The following LY75 variants were observed in gnomAD, a reference collection of about 807,000 sequenced individuals.
The protein encoded by LY75 is C-type lectin domain family 13 member B.
LY75 carries 185 observed loss-of-function variants against 231.7 expected under a neutral mutation model. The ratio of observed to expected loss-of-function variants is 0.80; its 90% CI spans 0.71 to 0.90. The LOEUF (loss-of-function observed/expected upper bound fraction) is 0.90. LY75 is among the 40% of genes least tolerant of loss of function. The pLI, the probability that LY75 is intolerant of heterozygous loss-of-function variation, is 0.00. For missense variants in LY75, 1,947 were observed against 2,050.2 expected (o/e 0.95, Z 0.97); for synonymous variants, 668 against 689.0 (o/e 0.97, Z 0.48).
rs1262589625 is a variant in LY75 at position 159,860,891 on chromosome 2, T to TG, written c.2200-3dup. The TG allele has an allele frequency of 6.2e-7, 1 of 1,613,836 alleles. No individual in the cohort carries two copies. Among genetic ancestry groups the TG allele is most frequent in the Admixed American group, 1.7e-5 (1 of 60,014 alleles). ...ATTTGGCATGATAATAGTAGACACC[T>TG]GAAAAGACAAGAGAGGCTTGAGAAT... is the stretch of plus-strand genomic sequence containing the variant. On this transcript the variant is annotated splice_region_variant and splice_polypyrimidine_tract_variant and intron_variant, in intron 14 of 34. Coordinates refer to ENST00000263636, the MANE Select transcript of LY75 (RefSeq NM_002349.4).
rs762083609 is a variant in LY75 at position 159,808,545 on chromosome 2, T to C, written c.4726A>G (p.Lys1576Glu). Residue 1576 changes from lysine (K) to glutamate (E), a missense_variant, in exon 33 of 35, where the codon AAA (lysine) becomes GAA (glutamate). Transcript: ENST00000263636. Reference protein sequence around the residue: ...HDHSATIVSIKDEDENKFVSR... With the variant: ...HDHSATIVSIEDEDENKFVSR... ...ACAAATTTATTCTCATCTTCATCTT[T>C]TATGGAAACGATAGTTGCAGAGTGA... 1.2e-6 allele frequency: 2 copies of C among 1,613,722 alleles called. No individual in the cohort carries two copies. The highest frequency in any genetic ancestry group is 1.1e-5 in the South Asian group (1 of 91,082).
rs916451354 is a variant in LY75, at chr2:159,850,085, G to T, written c.3045C>A (p.Arg1015=). ...TGTTTATCTTTTCATAGGCAGTCCA[G>T]CGCAAACCAATCCATAAAGTAGCTT... The part of the protein sequence containing the change: ...DMEATLWIGL[R]WTAYEKINKW... The change falls in exon 23 of 35, where the codon CGC becomes CGA. Residue 1015 remains arginine, a synonymous_variant. Coordinates refer to ENST00000263636, the MANE Select transcript of LY75 (RefSeq NM_002349.4). 4 of 1,613,870 alleles carry T rather than the reference G, an allele frequency of 2.5e-6. No individual in the cohort carries two copies. The highest frequency in any genetic ancestry group is 3.4e-6 in the Non-Finnish European group (4 of 1,179,896).
chr2:159,852,901 C>G (rs1684444630), intron 20 of LY75, among the ~76,000 whole-genome samples: 1 of 152,148 alleles, frequency 6.6e-6, no homozygotes, highest in Admixed American at 6.5e-5. Context: ...GTGTGACTAC[C>G]ATACCATCCC....
chr2:159,860,069 AC>A (rs1166633845), intron 15 of LY75, among the ~76,000 whole-genome samples: 6 of 152,138 alleles, frequency 3.9e-5, no homozygotes, highest in Non-Finnish European at 8.8e-5. Context: ...TATGCTTTGT[AC>A]CTTGTCATTG....
chr2:159,815,792 T>TACAG (rs1560063176), intron 30 of LY75, among the ~76,000 whole-genome samples: 1 of 152,202 alleles, frequency 6.6e-6, no homozygotes, highest in East Asian at 1.9e-4. Context: ...ACTTTAAACT[T>TACAG]ACAGACAGAG....
At chr2:159,887,566 C>CACA (rs1685629749) in intron 4 of LY75, among the ~76,000 whole-genome samples, 1 of 103,828 alleles carries the variant, frequency 9.6e-6, no homozygotes, top group Non-Finnish European at 1.8e-5. Context: ...TCAACAACAA[C>CACA]AAAAAAAAAA....
At chr2:159,881,963 T>C (rs1685449586) in intron 7 of LY75, among the ~76,000 whole-genome samples, 161 bp downstream of exon 7, 1 of 152,186 alleles carries the variant, frequency 6.6e-6, no homozygotes, top group Non-Finnish European at 1.5e-5. Flanking sequence ...ACCACCATAC[T>C]AGACCAATTG....
intron 23 of LY75, 88 bp downstream of exon 23, chr2:159,849,892 C>G: frequency 6.7e-7 from 1 of 1,490,988 alleles, no homozygotes; most frequent in Non-Finnish European, 9.0e-7. Context: ...TGGAATAATA[C>G]AGTGGGGTTT....
chr2:159,874,073 A>AAT (rs1330984774), intron 12 of LY75, among the ~76,000 whole-genome samples: 1 of 64,126 alleles, frequency 1.6e-5, no homozygotes, highest in African/African-American at 4.6e-5. Context: ...ATTTTGTAAA[A>AAT]ATATATAAAC....
intron 12 of LY75, among the ~76,000 whole-genome samples, chr2:159,875,010 A>G (rs1256029447): frequency 6.9e-6 from 1 of 144,584 alleles, no homozygotes; most frequent in Non-Finnish European, 1.5e-5. Context: ...TATATTGTAT[A>G]TATAAATATA....
intron 25 of LY75, among the ~76,000 whole-genome samples, 191 bp from the exon 26 acceptor site, chr2:159,835,836 C>T (rs1413834621): frequency 6.6e-6 from 1 of 152,060 alleles, no homozygotes; most frequent in African/African-American, 2.4e-5. Context: ...CTTGTAACAA[C>T]CATATAGGAG....
At chr2:159,899,558 T>C (rs1027299797) in intron 1 of LY75, among the ~76,000 whole-genome samples, 4 of 152,206 alleles carry the variant, frequency 2.6e-5, no homozygotes, top group African/African-American at 9.6e-5. Context: ...GGGTAAATTA[T>C]TACATGAAAA....
At chr2:159,854,587 T>G in intron 17 of LY75, 52 bp from the exon 18 acceptor site, 1 of 1,571,598 alleles carries the variant, frequency 6.4e-7, no homozygotes, top group Non-Finnish European at 8.7e-7. Flanking sequence ...AAGCAAACTG[T>G]GTCCTCTAAG....
At chr2:159,868,254 T>C (rs1397623470) in intron 13 of LY75, among the ~76,000 whole-genome samples, 1 of 152,152 alleles carries the variant, frequency 6.6e-6, no homozygotes, top group African/African-American at 2.4e-5. Context: ...AAAATACAGT[T>C]CCTATAAGTG....
rs1207489730 is a variant in LY75, at chr2:159,854,517, C to A, written c.2438G>T (p.Gly813Val). ...WYNPDRAGIH[G>V]PPLIIEGSEY... Reference sequence around the variant, plus strand: ...ACTTCCTTCAATTATAAGTGGAGGTCCATGAATTCCAGCACGGTCTAAAGA... The same window carrying A: ...ACTTCCTTCAATTATAAGTGGAGGTACATGAATTCCAGCACGGTCTAAAGA... Residue 813 changes from glycine to valine, a missense_variant, in exon 18 of 35, where the codon GGA becomes GTA. Transcript: ENST00000263636. The A allele has an allele frequency of 1.2e-6, 2 of 1,612,180 alleles. No individual in the cohort carries two copies. The highest frequency in any genetic ancestry group is 2.7e-5 in the African/African-American group (2 of 74,818).
At chr2:159,824,134 A>G (rs1007045130) in intron 28 of LY75, among the ~76,000 whole-genome samples, 1 of 152,250 alleles carries the variant, frequency 6.6e-6, no homozygotes. Context: ...AAATGCCCCC[A>G]ATTAAAACAC....
At chr2:159,844,118 A>T (rs986714393) in intron 23 of LY75, among the ~76,000 whole-genome samples, 3 of 152,102 alleles carry the variant, frequency 2.0e-5, no homozygotes, top group African/African-American at 7.2e-5. Flanking sequence ...TGAGGCTAAC[A>T]TGATCAGAAA....
chr2:159,825,066 A>G (rs1010989229), intron 28 of LY75, among the ~76,000 whole-genome samples: 17 of 152,210 alleles, frequency 1.1e-4, no homozygotes, highest in Non-Finnish European at 2.4e-4. Context: ...GCAACAGCAA[A>G]CAAATTCAAA....
At chr2:159,836,840 T>C (rs1004083107) in intron 25 of LY75, among the ~76,000 whole-genome samples, 1 of 152,226 alleles carries the variant, frequency 6.6e-6, no homozygotes, top group African/African-American at 2.4e-5. Flanking sequence ...CCTGCATTTC[T>C]TCCCCTTTGC....
Sources: gnomAD v4.1 joint callset for allele counts (sites outside exome capture counted in the v4.1 genomes callset) on GRCh38, gnomAD v4.1.1 for gene constraint, MANE v1.5 for transcripts, NCBI Gene and HGNC (gene_info 2026-07-23, HGNC 2026-07-21) for gene names.